The following HEG1 variants were observed in gnomAD, a reference collection of about 807,000 sequenced individuals.
HEG1 encodes the protein heart development protein with EGF like domains 1, also known as protein HEG homolog 1.
A neutral mutation model predicts 125.6 loss-of-function variants in HEG1; 56 were observed. The observed-to-expected ratio is 0.45, with a 90% CI of 0.36 to 0.56. The LOEUF is 0.56. Among genes scored for constraint, HEG1 ranks in the 20% least tolerant of loss-of-function variants. The probability of loss-of-function intolerance (pLI) is 0.00; values close to 1 mark genes in which losing one functional copy is unlikely to be tolerated. For synonymous variants in HEG1, 644 were observed against 668.5 expected, an observed-to-expected ratio of 0.96 and a Z score of 0.57; for missense variants, 1,523 against 1,670.0, an observed-to-expected ratio of 0.91 and a Z score of 1.53.
At chr3:124,992,992 C>T (rs150177515) in intron 12 of HEG1, among the ~76,000 whole-genome samples, 2,583 of 152,316 alleles carry the variant, frequency 0.017, 77 homozygotes, top group African/African-American at 0.059. Context: ...TGCTTTGCTA[C>T]AATACCACTC....
intron 3 of HEG1, among the ~76,000 whole-genome samples, chr3:125,025,290 G>A (rs1251299953): frequency 3.3e-5 from 5 of 152,208 alleles, no homozygotes; most frequent in African/African-American, 7.2e-5. Flanking sequence ...GAGGAGGGGA[G>A]GTTGGCAGGA....
chr3:125,019,506 G>T lies in HEG1; in HGVS notation c.1344C>A (p.Pro448=). 1 of 1,614,012 alleles carries T rather than the reference G, an allele frequency of 6.2e-7. No homozygotes were observed. Among genetic ancestry groups the T allele is most frequent in the Non-Finnish European group, 8.5e-7 (1 of 1,179,886 alleles). ...QTETVSRSVA[P]MRGGEITAHW... ...GTGCAGTGATCTCTCCACCTCTCAT[G>T]GGTGCGACTGACCTAGACACAGTCT... The change falls in exon 5 of 17, where the codon CCC becomes CCA. Residue 448 remains proline, a synonymous_variant. Transcript: ENST00000311127.
chr3:125,051,479 C>T lies in HEG1; in HGVS notation c.316+4096G>A, dbSNP rs1179205586. On this transcript the variant is annotated intron_variant, in intron 1 of 16. Coordinates refer to ENST00000311127, the MANE Select transcript of HEG1 (RefSeq NM_020733.2). ...GTCAAAATCTATTAAAATCCTGCCG[C>T]CTCCATTTACCGTGTGATCTAACCT... Among the ~76,000 whole-genome samples, 4 of 152,222 alleles carry T rather than the reference C, an allele frequency of 2.6e-5. No homozygotes were observed. The East Asian group carries it at 5.8e-4, about 22-fold the overall frequency.
intron 1 of HEG1, among the ~76,000 whole-genome samples, chr3:125,052,406 G>T (rs562018209): frequency 6.6e-6 from 1 of 152,164 alleles, no homozygotes; most frequent in African/African-American, 2.4e-5. Flanking sequence ...AGCTCAAAGC[G>T]CTTCCTTTCC....
rs188478069 is a variant in HEG1, at chr3:125,030,201, T to C, written c.317-713A>G. 3.3e-4 allele frequency among the ~76,000 whole-genome samples: 51 copies of C among 152,294 alleles called. No individual in the cohort carries two copies. The Middle Eastern group carries it at 0.017, about 51-fold the overall frequency. On this transcript the variant is annotated intron_variant, in intron 1 of 16. Coordinates refer to ENST00000311127, the MANE Select transcript of HEG1 (RefSeq NM_020733.2). ...TGGGGTGGGTGGTAGGAAGCTATTA[T>C]AAAAGCTGGCAGCCCTTGACCCTGA...
chr3:125,044,747 G>C (rs765926168), intron 1 of HEG1, among the ~76,000 whole-genome samples: 2 of 152,160 alleles, frequency 1.3e-5, no homozygotes, highest in Non-Finnish European at 2.9e-5. Flanking sequence ...AAGACTGAGC[G>C]CTCCAGAGAA....
chr3:125,006,981 C>T (rs1018496655), intron 8 of HEG1, among the ~76,000 whole-genome samples: 10 of 152,040 alleles, frequency 6.6e-5, no homozygotes, highest in Middle Eastern at 3.4e-3. Flanking sequence ...GGGCGGATCA[C>T]GAGGTCAGGA....
At chr3:125,033,391 G>A (rs147798740) in intron 1 of HEG1, among the ~76,000 whole-genome samples, 552 of 152,256 alleles carry the variant, frequency 3.6e-3, no homozygotes, top group African/African-American at 0.013. Flanking sequence ...GGAAACCACT[G>A]TGTAAAGCTG....
At chr3:124,987,109 G>A (rs898078988) in intron 14 of HEG1, among the ~76,000 whole-genome samples, 4 of 152,170 alleles carry the variant, frequency 2.6e-5, no homozygotes, top group Non-Finnish European at 5.9e-5. Context: ...GGAGACCAAC[G>A]TGGGAGGATT....
At chr3:124,996,047 G>GCCCAGTC (rs1423295949) in intron 12 of HEG1, among the ~76,000 whole-genome samples, 1 of 151,600 alleles carries the variant, frequency 6.6e-6, no homozygotes, top group Non-Finnish European at 1.5e-5. Context: ...ATGGATGTTA[G>GCCCAGTC]CCCAGTCCCC....
intron 8 of HEG1, among the ~76,000 whole-genome samples, chr3:125,006,185 A>G (rs1373919055): frequency 6.6e-6 from 1 of 152,230 alleles, no homozygotes; most frequent in Non-Finnish European, 1.5e-5. Context: ...TGCCGACTCC[A>G]TGATTATAAG....
At chr3:125,010,392 A>G (rs1282432817) in intron 7 of HEG1, 47 bp downstream of exon 7, 6 of 1,207,254 alleles carry the variant, frequency 5.0e-6, no homozygotes, top group Non-Finnish European at 7.1e-6. Context: ...TGGGTAGCCC[A>G]ACGTGGTACT....
Position 125,009,751 on chromosome 3 carries a change from G to A in HEG1, c.3147C>T (p.Cys1049=), listed in dbSNP as rs753439683. ...CCAACTGGTACCCAACCGGGCATTT[G>A]CAGATAAAGGATCCCTGAGTATTGT... The part of the protein sequence containing the change: ...MCNNTQGSFI[C]KCPVGYQLEK... The change falls in exon 8 of 17, where the codon TGC becomes TGT. Residue 1049 remains cysteine (C), a synonymous_variant. Transcript: ENST00000311127. 2.5e-5 allele frequency: 40 copies of A among 1,613,538 alleles called. No individual in the cohort carries two copies. Among genetic ancestry groups the A allele is most frequent in the Non-Finnish European group, 3.3e-5 (39 of 1,179,656 alleles).
rs540205506 is a variant in HEG1 at position 125,007,071 on chromosome 3, C to T, written c.3194-1703G>A. ...AAAATTAGCCGGGCGTAGTGGCGGG[C>T]GCCTGTAGTCCCAGCTACTTGGGAG... On this transcript the variant is annotated intron_variant, in intron 8 of 16. Transcript: ENST00000311127. 1.0e-4 allele frequency among the ~76,000 whole-genome samples: 15 copies of T among 150,272 alleles called. No homozygotes were observed. The South Asian group carries it at 1.5e-3, about 15-fold the overall frequency.
intron 15 of HEG1, among the ~76,000 whole-genome samples, chr3:124,975,005 A>T (rs1936509609): frequency 6.6e-6 from 1 of 152,226 alleles, no homozygotes. Flanking sequence ...ACACGTAGCA[A>T]ATATGAGGCT....
Position 125,019,432 on chromosome 3 carries a change from G to A in HEG1, c.1418C>T (p.Ser473Phe). The A allele has an allele frequency of 6.2e-7, 1 of 1,614,036 alleles. No homozygotes were observed. Among genetic ancestry groups the A allele is most frequent in the Non-Finnish European group, 8.5e-7 (1 of 1,179,898 alleles). ...ATTCACACCTTCAGGATATGAAGCA[G>A]AGCTTCCTGTCACATCTGCAGATGT... is the stretch of plus-strand genomic sequence containing the variant. Reference protein sequence around the residue: ...STTSADVTGSSASYPEGVNAS... With the variant: ...STTSADVTGSFASYPEGVNAS... The change falls in exon 5 of 17, where the codon TCT becomes TTT. Residue 473 changes from serine (S) to phenylalanine (F), a missense_variant. Physicochemically the swap from Ser to Phe is radical, Grantham distance 155. Coordinates refer to ENST00000311127, the MANE Select transcript of HEG1 (RefSeq NM_020733.2).
At position 125,019,504 on chromosome 3, in the gene HEG1, A is replaced by G. The variant is rs1304517484; in HGVS notation, c.1346T>C (p.Met449Thr). Residue 449 changes from methionine (M) to threonine (T), a missense_variant, in exon 5 of 17, where the codon ATG becomes ACG. Met to Thr is a moderately conservative substitution (Grantham distance 81, BLOSUM62 -1). Coordinates refer to ENST00000311127, the MANE Select transcript of HEG1 (RefSeq NM_020733.2). ...GTGTGCAGTGATCTCTCCACCTCTC[A>G]TGGGTGCGACTGACCTAGACACAGT... ...TETVSRSVAP[M>T]RGGEITAHWL... 3 of 1,613,530 alleles carry G rather than the reference A, an allele frequency of 1.9e-6. No individual in the cohort carries two copies. The highest frequency in any genetic ancestry group is 1.7e-5 in the Admixed American group (1 of 59,992).
At chr3:124,979,914 C>T (rs1473436648) in intron 14 of HEG1, among the ~76,000 whole-genome samples, 1 of 152,180 alleles carries the variant, frequency 6.6e-6, no homozygotes, top group African/African-American at 2.4e-5. Context: ...AACAATTTTC[C>T]TATCCTTTTA....
rs751294394 is a variant in HEG1, at chr3:125,013,563, TGAA to T, written c.2013_2015del (p.Ser672del). ...CAGAGGGCAGAGGCAAAGGAGGCCCTGAAGAAGAAGAAGAGGAGGAGGAGGAAG... is the reference window on the plus strand; with the variant it reads ...CAGAGGGCAGAGGCAAAGGAGGCCCTGAAGAAGAAGAGGAGGAGGAGGAAG... On this transcript the variant is annotated inframe_deletion, in exon 6 of 17. Coordinates refer to ENST00000311127, the MANE Select transcript of HEG1 (RefSeq NM_020733.2). 34 of 1,465,372 alleles carry T rather than the reference TGAA, an allele frequency of 2.3e-5. No individual in the cohort carries two copies. Among genetic ancestry groups the T allele is most frequent in the African/African-American group, 7.1e-5 (4 of 56,152 alleles). 90.8% of individuals were successfully genotyped at this position (1,465,372 alleles called of 1,614,324 possible). A position where few individuals can be genotyped will look rare whatever the true frequency, so the allele number is the denominator to read the frequency against.
Sources: gnomAD v4.1 joint callset for allele counts (sites outside exome capture counted in the v4.1 genomes callset) on GRCh38, gnomAD v4.1.1 for gene constraint, MANE v1.5 for transcripts, NCBI Gene and HGNC (gene_info 2026-07-23, HGNC 2026-07-21) for gene names.